COL4A2: variants seen among roughly 807,000 people sequenced by gnomAD.
COL4A2 encodes the protein collagen type IV alpha 2 chain.
Under a neutral mutation model 200.2 loss-of-function variants are expected in COL4A2, and 99 were observed. The observed-to-expected ratio is 0.49, with a 90% CI of 0.42 to 0.58. The LOEUF (loss-of-function observed/expected upper bound fraction) is 0.58. Ranked by LOEUF, COL4A2 falls within the 20% of genes least tolerant of loss-of-function variation. The pLI, the probability that COL4A2 is intolerant of heterozygous loss-of-function variation, is 0.00. For synonymous variants in COL4A2, 897 were observed against 900.6 expected, an observed-to-expected ratio of 1.00 and a Z score of 0.07; for missense variants, 1,950 against 2,314.1, an observed-to-expected ratio of 0.84 and a Z score of 3.23.
chr13:110,507,619 G>A (rs1055947358), intron 46 of COL4A2: 1 of 448,782 alleles, frequency 2.2e-6, no homozygotes, highest in Non-Finnish European at 4.1e-6. Context: ...GGCCAGTGCT[G>A]TTAAGACCCC....
intron 40 of COL4A2, among the ~76,000 whole-genome samples, chr13:110,498,176 T>TCTGTCAA (rs1566568507): frequency 6.6e-6 from 1 of 152,248 alleles, no homozygotes; most frequent in Non-Finnish European, 1.5e-5. Flanking sequence ...TCTGGCTTTG[T>TCTGTCAA]CTGTCAAATG....
intron 4 of COL4A2, among the ~76,000 whole-genome samples, chr13:110,392,887 G>GT (rs1350404386): frequency 2.0e-5 from 3 of 152,232 alleles, no homozygotes; most frequent in African/African-American, 7.2e-5. Context: ...TATTAAGTCT[G>GT]TAAGTTTAGA....
chr13:110,386,693 T>A (rs1594184765), intron 4 of COL4A2, among the ~76,000 whole-genome samples: 4 of 152,210 alleles, frequency 2.6e-5, no homozygotes. Context: ...TTCTCCACTT[T>A]GGCCCACAAA....
At position 110,424,485 on chromosome 13, in the gene COL4A2, A is replaced by C. The variant is rs781125476; in HGVS notation, c.181-249A>C. On this transcript the variant is annotated intron_variant, in intron 4 of 47. Transcript: ENST00000360467. ...TCTTTCATCCCAACCCAGTATTATC[A>C]TTTCACAATGACATGACTTTAGTAA... 5.9e-4 allele frequency among the ~76,000 whole-genome samples: 31 copies of C among 52,292 alleles called. 2 individuals carry two copies. Among genetic ancestry groups the C allele is most frequent in the Non-Finnish European group, 1.4e-3 (31 of 21,990 alleles). 34.3% of individuals were successfully genotyped at this position (52,292 alleles called of 152,430 possible).
At position 110,415,480 on chromosome 13, in the gene COL4A2, T is replaced by G. The variant is rs185835953; in HGVS notation, c.181-9254T>G. 9.2e-5 allele frequency among the ~76,000 whole-genome samples: 14 copies of G among 152,342 alleles called. No individual in the cohort carries two copies. The East Asian group carries it at 2.7e-3, about 29-fold the overall frequency. On this transcript the variant is annotated intron_variant, in intron 4 of 47. Transcript: ENST00000360467. Reference sequence around the variant, plus strand: ...TAAAGATAAGAGGGGAAAAAAGCTGTGCATCACAGCCAGTTCAAACCCCCT... The same window carrying G: ...TAAAGATAAGAGGGGAAAAAAGCTGGGCATCACAGCCAGTTCAAACCCCCT...
intron 3 of COL4A2, among the ~76,000 whole-genome samples, chr13:110,352,135 G>A (rs951947877): frequency 3.9e-5 from 6 of 152,338 alleles, no homozygotes; most frequent in Admixed American, 2.6e-4. Context: ...TGGCATGAAG[G>A]TGGTGCCCTC....
chr13:110,424,912 G>A (rs1474555495), intron 5 of COL4A2, 41 bp from the exon 6 acceptor site: 3 of 1,614,196 alleles, frequency 1.9e-6, no homozygotes, highest in Non-Finnish European at 1.7e-6. Context: ...GAGGGTGGCG[G>A]GTATCTCAGC....
intron 47 of COL4A2, among the ~76,000 whole-genome samples, chr13:110,510,742 G>A (rs1884057060): frequency 6.6e-6 from 1 of 152,240 alleles, no homozygotes; most frequent in Non-Finnish European, 1.5e-5. Context: ...GCTGGTGCCA[G>A]CCTCTAAGAC....
chr13:110,395,649 G>A (rs1039231702), intron 4 of COL4A2, among the ~76,000 whole-genome samples: 17 of 152,142 alleles, frequency 1.1e-4, no homozygotes, highest in African/African-American at 3.1e-4. Flanking sequence ...AAGCAAATGC[G>A]AAAGTCCATT....
At chr13:110,435,879 A>T (rs192501203) in intron 12 of COL4A2, among the ~76,000 whole-genome samples, 739 of 152,196 alleles carry the variant, frequency 4.9e-3, no homozygotes, top group Non-Finnish European at 8.1e-3. Flanking sequence ...TTTCTTCAGC[A>T]TTTCGTTTAT....
chr13:110,325,572 C>T (rs527301665), intron 3 of COL4A2, among the ~76,000 whole-genome samples: 4 of 152,132 alleles, frequency 2.6e-5, no homozygotes, highest in African/African-American at 9.6e-5. Flanking sequence ...GGACGCTGGG[C>T]TTGAACACTT....
At chr13:110,345,220 A>G (rs1876643276) in intron 3 of COL4A2, among the ~76,000 whole-genome samples, 1 of 152,238 alleles carries the variant, frequency 6.6e-6, no homozygotes, top group South Asian at 2.1e-4. Flanking sequence ...CTGAAGGAAC[A>G]GTGTGTACAA....
chr13:110,472,894 C>T (rs1218480339), intron 28 of COL4A2, 35 bp from the exon 29 acceptor site: 5 of 1,537,302 alleles, frequency 3.3e-6, no homozygotes, highest in Non-Finnish European at 4.4e-6. Context: ...ACCATGCTAA[C>T]TTGTGGTTTG....
In COL4A2 at chr13:110,508,316, T is replaced by C; in HGVS notation, c.4881+95T>C. 1.9e-6 allele frequency: 3 copies of C among 1,558,166 alleles called. No homozygotes were observed. The highest frequency in any genetic ancestry group is 2.6e-6 in the Non-Finnish European group (3 of 1,146,678). Reference sequence around the variant, plus strand: ...TTGTGAGAAGAATCAGACACGGCAGTCCAGGGTGTGCACTGCACAAGGGTA... The same window carrying C: ...TTGTGAGAAGAATCAGACACGGCAGCCCAGGGTGTGCACTGCACAAGGGTA... On this transcript the variant is annotated intron_variant, in intron 47 of 47. Coordinates refer to ENST00000360467, the MANE Select transcript of COL4A2 (RefSeq NM_001846.4). The surrounding 1 kb of genome is among the most constrained non-coding windows in gnomAD (Gnocchi z 6.1).
rs866460515 is a variant in COL4A2, at chr13:110,499,247, T to C, written c.3761-2421T>C. ...GAAATACCAGAGACTGGGTAATTTA[T>C]AAAGGAAAGAGGTTTAATTGATTCA... On this transcript the variant is annotated intron_variant, in intron 40 of 47. Transcript: ENST00000360467. Among the ~76,000 whole-genome samples, 39 of 152,330 alleles carry C rather than the reference T, an allele frequency of 2.6e-4. 1 individual carries two copies. In the Middle Eastern group the frequency reaches 0.01, roughly 40 times the overall value.
chr13:110,431,566 G>C (rs935776275), intron 10 of COL4A2, among the ~76,000 whole-genome samples: 1 of 152,184 alleles, frequency 6.6e-6, no homozygotes, highest in Non-Finnish European at 1.5e-5. Context: ...ACGAGGCGCT[G>C]TTGCTGTTTC....
At chr13:110,421,490 G>T (rs1302131440) in intron 4 of COL4A2, among the ~76,000 whole-genome samples, 2 of 152,168 alleles carry the variant, frequency 1.3e-5, no homozygotes, top group Non-Finnish European at 2.9e-5. Context: ...GTCACACATC[G>T]TATGACTGAT....
intron 3 of COL4A2, among the ~76,000 whole-genome samples, chr13:110,345,368 AG>A (rs1249327648): frequency 6.6e-6 from 1 of 152,208 alleles, no homozygotes; most frequent in Non-Finnish European, 1.5e-5. Flanking sequence ...TTGAAAGTGG[AG>A]GGAACAGTGG....
At chr13:110,384,067 C>T (rs927511732) in intron 4 of COL4A2, among the ~76,000 whole-genome samples, 3 of 152,224 alleles carry the variant, frequency 2.0e-5, no homozygotes, top group Non-Finnish European at 4.4e-5. Flanking sequence ...GGTTCCTACC[C>T]TGTTCACTGC....
Sources: gnomAD v4.1 joint callset for allele counts (sites outside exome capture counted in the v4.1 genomes callset) on GRCh38, gnomAD v4.1.1 for gene constraint, Gnocchi (gnomAD v3.1) non-coding constraint, MANE v1.5 for transcripts, NCBI Gene and HGNC (gene_info 2026-07-23, HGNC 2026-07-21) for gene names.